The following NT5C3A variants were observed in gnomAD, a reference collection of about 807,000 sequenced individuals.
NT5C3A encodes cytosolic 5'-nucleotidase 3A.
In NT5C3A, 23 loss-of-function variants were observed where a neutral mutation model predicts 40.0. That is an observed-to-expected ratio of 0.58 (90% CI 0.41 to 0.81). NT5C3A has a LOEUF of 0.81. Ranked by LOEUF, NT5C3A falls within the 40% of genes least tolerant of loss-of-function variation. The probability of loss-of-function intolerance (pLI) is 0.00; values close to 1 mark genes in which losing one functional copy is unlikely to be tolerated. For missense variants in NT5C3A, 328 were observed against 403.0 expected (o/e 0.81, Z 1.59); for synonymous variants, 130 against 141.4 (o/e 0.92, Z 0.57).
intron 1 of NT5C3A, among the ~76,000 whole-genome samples, chr7:33,039,562 G>GTTTTTTTTTTTTTTT (rs770430109): frequency 2.5e-5 from 3 of 120,508 alleles, no homozygotes; most frequent in African/African-American, 3.3e-5. Context: ...TGGGTTTTTT[G>GTTTTTTTTTTTTTTT]TTTTTTTTTT....
intron 1 of NT5C3A, among the ~76,000 whole-genome samples, chr7:33,039,817 G>C (rs938842432): frequency 1.8e-4 from 27 of 151,870 alleles, no homozygotes; most frequent in African/African-American, 6.5e-4. Flanking sequence ...TAGGAGGAAA[G>C]AGGAAAAAAC....
intron 1 of NT5C3A, among the ~76,000 whole-genome samples, chr7:33,056,076 T>C (rs6948759): frequency 0.84 from 127,751 of 152,168 alleles, 54,126 homozygotes; most frequent in African/African-American, 0.96. Flanking sequence ...TGTCATTGCA[T>C]TCCAGCCCAG....
intron 6 of NT5C3A, among the ~76,000 whole-genome samples, chr7:33,019,027 T>C (rs1268748841): frequency 6.6e-6 from 1 of 152,134 alleles, no homozygotes; most frequent in African/African-American, 2.4e-5. Context: ...CCCAGCACTT[T>C]GGGATCGCTT....
At chr7:33,048,750 A>G (rs1397008167) in intron 1 of NT5C3A, among the ~76,000 whole-genome samples, 2 of 152,184 alleles carry the variant, frequency 1.3e-5, no homozygotes, top group Non-Finnish European at 2.9e-5. Context: ...CTACAGTGCT[A>G]AGTGCTCAGG....
chr7:33,050,855 G>GT (rs1400960952), intron 1 of NT5C3A, among the ~76,000 whole-genome samples: 3 of 152,174 alleles, frequency 2.0e-5, no homozygotes, highest in Non-Finnish European at 4.4e-5. Flanking sequence ...ATAAAAGTGC[G>GT]TAACACAAGA....
intron 1 of NT5C3A, among the ~76,000 whole-genome samples, chr7:33,031,009 G>C (rs1169486904): frequency 6.6e-6 from 1 of 150,984 alleles, no homozygotes. Flanking sequence ...TGAGGCAGGA[G>C]AATGGCATGA....
At chr7:33,060,036 C>T (rs118137164) in intron 1 of NT5C3A, among the ~76,000 whole-genome samples, 2,112 of 152,272 alleles carry the variant, frequency 0.014, 28 homozygotes, top group Non-Finnish European at 0.021. Context: ...ACTGCAGCCT[C>T]GACCACCTTG....
intron 1 of NT5C3A, among the ~76,000 whole-genome samples, chr7:33,058,340 TTTTTA>T (rs139814535): frequency 0.3 from 45,797 of 151,036 alleles, 7,278 homozygotes; most frequent in Admixed American, 0.42. Flanking sequence ...TTTTATTATT[TTTTTA>T]TTTTATTTTA....
At chr7:33,041,256 G>A in intron 1 of NT5C3A, 1 of 402,150 alleles carries the variant, frequency 2.5e-6, no homozygotes, top group Non-Finnish European at 3.4e-6. Context: ...GAACTTTTCT[G>A]TATATTCTAT....
At chr7:33,036,018 AAG>A (rs759591683) in intron 1 of NT5C3A, 2 of 1,582,044 alleles carry the variant, frequency 1.3e-6, no homozygotes, top group African/African-American at 2.7e-5. Context: ...GTCACAGCAA[AAG>A]AGAAAAAAAA....
At chr7:33,016,942 G>A (rs1030476372) in intron 7 of NT5C3A, among the ~76,000 whole-genome samples, 1 of 151,926 alleles carries the variant, frequency 6.6e-6, no homozygotes, top group African/African-American at 2.4e-5. Flanking sequence ...CAGCACTTTG[G>A]GAGGCCAAGG....
chr7:33,060,674 C>G (rs1358806960), intron 1 of NT5C3A, among the ~76,000 whole-genome samples: 2 of 152,096 alleles, frequency 1.3e-5, no homozygotes, highest in African/African-American at 2.4e-5. Context: ...TTAGCTGTGA[C>G]CAATATGAGC....
At chr7:33,042,696 G>A (rs1430194739) in intron 1 of NT5C3A, among the ~76,000 whole-genome samples, 1 of 152,158 alleles carries the variant, frequency 6.6e-6, no homozygotes, top group African/African-American at 2.4e-5. Flanking sequence ...TTTTTGGAGT[G>A]CAATTTAGAA....
intron 7 of NT5C3A, chr7:33,017,088 C>G (rs917783094): frequency 3.3e-4 from 69 of 206,582 alleles, no homozygotes; most frequent in African/African-American, 1.4e-3. Context: ...GAGGCTGAGG[C>G]AGAAGAATTG....
intron 1 of NT5C3A, among the ~76,000 whole-genome samples, chr7:33,059,097 T>A (rs919269204): frequency 1.3e-5 from 2 of 152,252 alleles, no homozygotes; most frequent in Non-Finnish European, 2.9e-5. Context: ...CCAAGTTTTC[T>A]GTTTTCTTCT....
At position 33,021,254 on chromosome 7, in the gene NT5C3A, T is replaced by C; in HGVS notation, c.440+18A>G. ...TATTATTTTTTTTTAATCCTCCTACTGCCTAATATACACTTACCATTCCAC... is the reference window on the plus strand; with the variant it reads ...TATTATTTTTTTTTAATCCTCCTACCGCCTAATATACACTTACCATTCCAC... On this transcript the variant is annotated intron_variant, in intron 5 of 8. Transcript: ENST00000610140. 1 of 1,610,818 alleles carries C rather than the reference T, an allele frequency of 6.2e-7. No individual in the cohort carries two copies. Among genetic ancestry groups the C allele is most frequent in the Non-Finnish European group, 8.5e-7 (1 of 1,178,228 alleles).
chr7:33,049,518 C>T lies in NT5C3A; in HGVS notation c.138+13050G>A, dbSNP rs188312186. Among the ~76,000 whole-genome samples the T allele has an allele frequency of 5.1e-3, 771 of 152,180 alleles. 6 individuals are homozygous for T. The highest frequency in any genetic ancestry group is 0.023 in the South Asian group (110 of 4,820). The stretch of plus-strand genomic sequence containing the variant: ...TACTGTATATCATTACTAAATAAGC[C>T]ACACACAAAGAATTACAGAATAAAA... On this transcript the variant is annotated intron_variant, in intron 1 of 8. Transcript: ENST00000610140.
At chr7:33,049,722 C>G (rs1406463357) in intron 1 of NT5C3A, among the ~76,000 whole-genome samples, 1 of 151,962 alleles carries the variant, frequency 6.6e-6, no homozygotes, top group Non-Finnish European at 1.5e-5. Context: ...GTAATCCCAG[C>G]ACTTTGGGAG....
At chr7:33,024,248 T>C (rs1785794352) in intron 2 of NT5C3A, 140 bp from the exon 3 acceptor site, 1 of 667,960 alleles carries the variant, frequency 1.5e-6, no homozygotes, top group Non-Finnish European at 2.7e-6. Flanking sequence ...TGTTAACTTA[T>C]TCTCTTTACA....
Sources: allele counts gnomAD v4.1 joint callset (sites outside exome capture counted in the v4.1 genomes callset), GRCh38; gene constraint gnomAD v4.1.1; transcripts MANE v1.5; gene names NCBI Gene and HGNC (gene_info 2026-07-23, HGNC 2026-07-21).